The following GPR137C variants were observed in gnomAD, a reference collection of about 807,000 sequenced individuals.
The protein encoded by GPR137C is G protein-coupled receptor 137C, also known as integral membrane protein GPR137C.
In GPR137C, 27 loss-of-function variants were observed where a neutral mutation model predicts 43.4. The observed-to-expected ratio is 0.62, with a 90% CI of 0.46 to 0.86. GPR137C has a LOEUF of 0.86. Ranked by LOEUF, GPR137C falls within the 40% of genes least tolerant of loss-of-function variation. The pLI is 0.00. For missense variants in GPR137C, 522 were observed against 534.6 expected, an observed-to-expected ratio of 0.98 and a Z score of 0.23; for synonymous variants, 285 against 226.9, an observed-to-expected ratio of 1.26 and a Z score of -2.30.
chr14:52,632,197 T>C lies in GPR137C; in HGVS notation c.755T>C (p.Val252Ala), dbSNP rs1421627676. The change falls in exon 4 of 7, where the codon GTA becomes GCA. Residue 252 changes from valine (V) to alanine (A), a missense_variant. This residue lies in a region of GPR137C where 437 missense variants were observed against 425.7 expected (regional missense o/e 1.03). Transcript: ENST00000321662. ...SLCQTVVVGS[V>A]VILLYSSRAC... The stretch of plus-strand genomic sequence containing the variant: ...TGCCAGACTGTCGTCGTGGGCTCTG[T>C]AGTCATTCTTCTGTACTCTTCCAGA... 4 of 1,605,942 alleles carry C rather than the reference T, an allele frequency of 2.5e-6. No homozygotes were observed. The African/African-American group carries it at 5.3e-5, about 21-fold the overall frequency.
intron 3 of GPR137C, among the ~76,000 whole-genome samples, chr14:52,626,337 C>G (rs1276918344): frequency 6.6e-6 from 1 of 151,870 alleles, no homozygotes. Context: ...AGATGTTTAT[C>G]CTAGGAATGC....
chr14:52,571,626 A>T (rs1307705992), intron 1 of GPR137C, among the ~76,000 whole-genome samples: 1 of 152,130 alleles, frequency 6.6e-6, no homozygotes, highest in Non-Finnish European at 1.5e-5. Flanking sequence ...GTGAGCCAAG[A>T]TTGCGCCATT....
chr14:52,624,216 A>T (rs1427836966), intron 3 of GPR137C, among the ~76,000 whole-genome samples: 3 of 113,872 alleles, frequency 2.6e-5, no homozygotes, highest in Admixed American at 8.6e-5. Flanking sequence ...ACCCATGGGT[A>T]AAAAAAAAAA....
In GPR137C at chr14:52,574,566, G is replaced by C. The variant is rs1208910919; in HGVS notation, c.444+20975G>C. On this transcript the variant is annotated intron_variant, in intron 1 of 6. Coordinates refer to ENST00000321662, the MANE Select transcript of GPR137C (RefSeq NM_001099652.2). The stretch of plus-strand genomic sequence containing the variant: ...CATCACACACCGGGGCCTGTCGGTA[G>C]GTGGGGAGCTAGCAGAGGGGTAGCA... 8.0e-4 allele frequency among the ~76,000 whole-genome samples: 122 copies of C among 152,130 alleles called. 2 individuals carry two copies. Among genetic ancestry groups the C allele is most frequent in the Non-Finnish European group, 7.3e-5 (5 of 68,036 alleles).
At chr14:52,568,795 C>T (rs1048447169) in intron 1 of GPR137C, among the ~76,000 whole-genome samples, 1 of 152,274 alleles carries the variant, frequency 6.6e-6, no homozygotes, top group Admixed American at 6.5e-5. Flanking sequence ...CAGCCCCAGT[C>T]AGGGGCTTAT....
intron 1 of GPR137C, among the ~76,000 whole-genome samples, chr14:52,573,853 C>T (rs1391961906): frequency 6.6e-6 from 1 of 152,046 alleles, no homozygotes; most frequent in African/African-American, 2.4e-5. Flanking sequence ...CCAGAATTTA[C>T]AAGGAACTTA....
chr14:52,600,231 G>C lies in GPR137C; in HGVS notation c.607G>C (p.Val203Leu). Residue 203 changes from valine to leucine, a missense_variant, in exon 3 of 7, where the codon GTT (valine) becomes CTT (leucine). Around this residue, in one of 3 missense-constraint regions of GPR137C, gnomAD observed 437 missense variants for 425.7 expected, o/e 1.03. Coordinates refer to ENST00000321662, the MANE Select transcript of GPR137C (RefSeq NM_001099652.2). ...PENQLKWTVF[V>L]RALINDSLFI... ...AAATCAGTTGAAGTGGACTGTGTTT[G>C]TTCGAGCATTAATTAATGATAGCCT... 1 of 1,613,630 alleles carries C rather than the reference G, an allele frequency of 6.2e-7. No homozygotes were observed.
chr14:52,612,896 T>C (rs1431915432), intron 3 of GPR137C: 1 of 151,864 alleles, frequency 6.6e-6, no homozygotes, highest in Non-Finnish European at 1.5e-5. Flanking sequence ...CTTAGAAAAT[T>C]TTTTATTTTT....
intron 1 of GPR137C, among the ~76,000 whole-genome samples, chr14:52,559,783 A>G (rs2038252952): frequency 6.6e-6 from 1 of 152,232 alleles, no homozygotes. Flanking sequence ...CCTAATCTAC[A>G]GATAGCTACA....
At chr14:52,602,656 C>G (rs939304490) in intron 3 of GPR137C, among the ~76,000 whole-genome samples, 14 of 152,126 alleles carry the variant, frequency 9.2e-5, no homozygotes, top group African/African-American at 3.4e-4. Flanking sequence ...CTCACTTAAT[C>G]TTTCCCCTTT....
intron 1 of GPR137C, among the ~76,000 whole-genome samples, chr14:52,593,458 C>T (rs1364360498): frequency 1.3e-5 from 2 of 152,118 alleles, no homozygotes; most frequent in East Asian, 1.9e-4. Flanking sequence ...TCCATCTGGT[C>T]CTGGACGTTT....
rs752666044 is a variant in GPR137C, at chr14:52,633,616, G to A, written c.954G>A (p.Val318=). The change falls in exon 5 of 7, where the codon GTG becomes GTA. Residue 318 remains valine, a synonymous_variant. Transcript: ENST00000321662. ...GGGAACATGTGCCAGCATGGTCGGT[G>A]GTACTGTTTTTCCGGGCACAGAGAT... ...FLWEHVPAWS[V]VLFFRAQRLN... The A allele has an allele frequency of 8.7e-6, 14 of 1,612,904 alleles. No individual in the cohort carries two copies. Among genetic ancestry groups the A allele is most frequent in the Admixed American group, 1.7e-5 (1 of 59,892 alleles).
chr14:52,593,325 T>C (rs2038808219), intron 1 of GPR137C, among the ~76,000 whole-genome samples: 1 of 152,178 alleles, frequency 6.6e-6, no homozygotes, highest in Admixed American at 6.5e-5. Flanking sequence ...GGCCTTTGTG[T>C]CGGGATGATG....
Position 52,632,143 on chromosome 14 carries a change from A to G in GPR137C, c.718-17A>G. The G allele has an allele frequency of 6.3e-7, 1 of 1,582,214 alleles. No homozygotes were observed. The highest frequency in any genetic ancestry group is 8.7e-7 in the Non-Finnish European group (1 of 1,153,342). On this transcript the variant is annotated splice_polypyrimidine_tract_variant and intron_variant, in intron 3 of 6. Transcript: ENST00000321662. ...AATGTGTAGAATACTAAAGATGATG[A>G]TTTTTATTTGTTTTAGGGTATGTCT... is the stretch of plus-strand genomic sequence containing the variant.
At chr14:52,565,026 G>C (rs1277597044) in intron 1 of GPR137C, among the ~76,000 whole-genome samples, 1 of 152,172 alleles carries the variant, frequency 6.6e-6, no homozygotes, top group Non-Finnish European at 1.5e-5. Flanking sequence ...ATAGGGGAGT[G>C]TTGGTGTTTG....
At chr14:52,602,160 G>A (rs1321807984) in intron 3 of GPR137C, among the ~76,000 whole-genome samples, 2 of 151,266 alleles carry the variant, frequency 1.3e-5, no homozygotes, top group Non-Finnish European at 2.9e-5. Context: ...TATTCAAAGA[G>A]CATGTCATCT....
intron 3 of GPR137C, among the ~76,000 whole-genome samples, chr14:52,627,449 G>T (rs1445803950): frequency 6.6e-6 from 1 of 152,084 alleles, no homozygotes; most frequent in Non-Finnish European, 1.5e-5. Context: ...TCACCAAGTG[G>T]TATACAGCTT....
intron 1 of GPR137C, among the ~76,000 whole-genome samples, chr14:52,568,853 G>A (rs1011179597): frequency 2.6e-5 from 4 of 152,218 alleles, no homozygotes; most frequent in East Asian, 1.9e-4. Context: ...GGGAAGGGGC[G>A]GCTGTGGGCA....
intron 1 of GPR137C, among the ~76,000 whole-genome samples, chr14:52,579,174 G>T (rs372234481): frequency 2.6e-5 from 4 of 152,168 alleles, no homozygotes; most frequent in African/African-American, 9.7e-5. Context: ...AGGGAAGAGG[G>T]TTGGGGTGGG....
Sources: gnomAD v4.1 joint callset for allele counts (sites outside exome capture counted in the v4.1 genomes callset) on GRCh38, gnomAD v4.1.1 for gene constraint, gnomAD v4.1.1 regional missense constraint, MANE v1.5 for transcripts, NCBI Gene and HGNC (gene_info 2026-07-23, HGNC 2026-07-21) for gene names.